PEG3: variants seen among roughly 807,000 people sequenced by gnomAD.
The protein encoded by PEG3 is paternally expressed 3, also known as paternally-expressed gene 3 protein.
In PEG3, 23 loss-of-function variants were observed where a neutral mutation model predicts 35.5. The observed-to-expected ratio is 0.65, with a 90% CI of 0.47 to 0.92. The LOEUF is 0.92. PEG3 is among the 40% of genes least tolerant of loss of function. PEG3 has a pLI of 0.00. For missense variants in PEG3, 1,960 were observed against 1,985.3 expected (o/e 0.99, Z 0.24); for synonymous variants, 707 against 697.0 (o/e 1.01, Z -0.23).
At position 56,817,198 on chromosome 19, in the gene PEG3, G is replaced by A. The variant is rs749232791; in HGVS notation, c.1244C>T (p.Pro415Leu). The change falls in exon 10 of 10, where the codon CCC becomes CTC. Residue 415 changes from proline to leucine, a missense_variant. Physicochemically the swap from Pro to Leu is moderately conservative, Grantham distance 98 (BLOSUM62 -3). Coordinates refer to ENST00000326441, the MANE Select transcript of PEG3 (RefSeq NM_006210.3). ...HDQKGCPRKK[P>L]FECGSEMRKA... ...TCTCATCTCACTACCACATTCAAAGGGCTTCTTCCTGGGACAGCCTTTTTG... is the reference window on the plus strand; with the variant it reads ...TCTCATCTCACTACCACATTCAAAGAGCTTCTTCCTGGGACAGCCTTTTTG... The A allele has an allele frequency of 1.2e-6, 2 of 1,614,014 alleles. No homozygotes were observed. The highest frequency in any genetic ancestry group is 1.7e-6 in the Non-Finnish European group (2 of 1,180,028).
Position 56,813,102 on chromosome 19 carries a change from C to T in PEG3, c.*573G>A. The T allele has an allele frequency of 1.0e-6, 1 of 983,998 alleles. No individual in the cohort carries two copies. Among genetic ancestry groups the T allele is most frequent in the Non-Finnish European group, 1.2e-6 (1 of 829,244 alleles). The allele number at this position is 983,998 out of a possible 1,614,324, so 61.0% of individuals were successfully genotyped here. ...AAGGGTAAGAAACAAAACAATTACTCAAAAAGATATTGACAGGGTTCAAAT... is the reference window on the plus strand; with the variant it reads ...AAGGGTAAGAAACAAAACAATTACTTAAAAAGATATTGACAGGGTTCAAAT... On this transcript the variant is annotated 3_prime_UTR_variant, in exon 10 of 10. Transcript: ENST00000326441.
At chr19:56,817,608 C>A (rs770957026) in intron 9 of PEG3, 29 bp from the exon 10 acceptor site, 39 of 1,559,870 alleles carry the variant, frequency 2.5e-5, no homozygotes, top group Non-Finnish European at 1.6e-5. Context: ...TGTAAATACT[C>A]CCTAGTCCCC....
chr19:56,817,121 C>T lies in PEG3; in HGVS notation c.1321G>A (p.Glu441Lys), dbSNP rs199823672. 1.1e-5 allele frequency: 17 copies of T among 1,614,004 alleles called. No individual in the cohort carries two copies. Among genetic ancestry groups the T allele is most frequent in the South Asian group, 5.5e-5 (5 of 91,074 alleles). The part of the protein sequence containing the change: ...LSSLSSPSFT[E>K]SQPIDFGAMP... The stretch of plus-strand genomic sequence containing the variant: ...GCCCCAAAATCAATTGGCTGTGACT[C>T]GGTAAAGGAGGGGGAGCTGAGGCTG... The change falls in exon 10 of 10, where the codon GAG (glutamate) becomes AAG (lysine). Residue 441 changes from glutamate (E) to lysine (K), a missense_variant. Physicochemically the swap from Glu to Lys is moderately conservative, Grantham distance 56 (BLOSUM62 1). This residue lies in a region of PEG3 where 613 missense variants were observed against 577.1 expected (regional missense o/e 1.06). Transcript: ENST00000326441.
rs758253897 is a variant in PEG3, at chr19:56,824,300, G to C, written c.356C>G (p.Thr119Ser). Residue 119 changes from threonine to serine, a missense_variant, in exon 4 of 10, where the codon ACT becomes AGT. Physicochemically the swap from Thr to Ser is moderately conservative, Grantham distance 58 (BLOSUM62 1). Coordinates refer to ENST00000326441, the MANE Select transcript of PEG3 (RefSeq NM_006210.3). ...CATCTCCTTGTAATTCTCCAGCAGA[G>C]TGACGAGCTTCTCACAGTTCTCCGG... is the stretch of plus-strand genomic sequence containing the variant. The part of the protein sequence containing the change: ...KKPENCEKLV[T>S]LLENYKEMYQ... 1.5e-5 allele frequency: 25 copies of C among 1,613,950 alleles called. No homozygotes were observed. The African/African-American group carries it at 1.6e-4, about 10-fold the overall frequency.
At position 56,810,926 on chromosome 19, in the gene PEG3, T is replaced by C. The variant is rs2059495790; in HGVS notation, c.*2749A>G. On this transcript the variant is annotated 3_prime_UTR_variant, in exon 10 of 10. Coordinates refer to ENST00000326441, the MANE Select transcript of PEG3 (RefSeq NM_006210.3). ...ATACACTGTTATCAGGACATTATTA[T>C]AGGGAACATTTGAAAAAATTAAAGT... The C allele has an allele frequency of 3.1e-6, 3 of 965,610 alleles. No homozygotes were observed. The highest frequency in any genetic ancestry group is 1.1e-4 in the East Asian group (1 of 8,734). The allele number at this position is 965,610 out of a possible 1,614,324, so 59.8% of individuals were successfully genotyped here.
At chr19:56,823,184 G>A (rs189940946) in intron 5 of PEG3, among the ~76,000 whole-genome samples, 2 of 152,016 alleles carry the variant, frequency 1.3e-5, no homozygotes, top group Non-Finnish European at 1.5e-5. Flanking sequence ...TCTGGCAGCC[G>A]ATCTTAAAGT....
chr19:56,813,436 G>T lies in PEG3; in HGVS notation c.*239C>A, dbSNP rs1388358213. ...TTTCTCAATCTGATTACTTGGAAAG[G>T]TAAGATGTGTGCTATGGCTTTCCCA... On this transcript the variant is annotated 3_prime_UTR_variant, in exon 10 of 10. Coordinates refer to ENST00000326441, the MANE Select transcript of PEG3 (RefSeq NM_006210.3). The T allele has an allele frequency of 7.5e-7, 1 of 1,334,492 alleles. No homozygotes were observed. The highest frequency in any genetic ancestry group is 1.5e-5 in the African/African-American group (1 of 68,490). The allele number at this position is 1,334,492 out of a possible 1,614,324, so 82.7% of individuals were successfully genotyped here.
chr19:56,833,567 T>C (rs575167217), intron 2 of PEG3: 264 of 209,172 alleles, frequency 1.3e-3, no homozygotes, highest in Middle Eastern at 5.9e-3. Flanking sequence ...TACAGCCTGA[T>C]TCCTTCTAGG....
chr19:56,831,809 G>C (rs1040313791), intron 2 of PEG3, among the ~76,000 whole-genome samples: 4 of 152,158 alleles, frequency 2.6e-5, no homozygotes, highest in African/African-American at 9.7e-5. Context: ...TAACTTTGTT[G>C]CTATTAATAA....
Position 56,816,923 on chromosome 19 carries a change from A to G in PEG3, c.1519T>C (p.Cys507Arg). The G allele has an allele frequency of 6.2e-7, 1 of 1,614,188 alleles. No individual in the cohort carries two copies. Residue 507 changes from cysteine to arginine, a missense_variant, in exon 10 of 10, where the codon TGT (cysteine) becomes CGT (arginine). By Grantham distance (180) the Cys-to-Arg change is radical. This residue lies in a region of PEG3 where 798 missense variants were observed against 782.4 expected (regional missense o/e 1.02). Transcript: ENST00000326441. ...TTGAAGGTCTCTCCACAGTCCTTAC[A>G]TTCAAAACGTTTCCCTCCAACCTGA... Reference protein sequence around the residue: ...KSQVGGKRFECKDCGETFNKS... With the variant: ...KSQVGGKRFERKDCGETFNKS...
In PEG3 at chr19:56,815,247, G is replaced by T; in HGVS notation, c.3195C>A (p.Gly1065=). The part of the protein sequence containing the change: ...QEKSHGEESQ[G]ENTDGEETHS... Reference sequence around the variant, plus strand: ...GGGTCTCCTCCCCATCAGTATTCTCGCCTTGAGACTCCTCGCCATGAGACT... The same window carrying T: ...GGGTCTCCTCCCCATCAGTATTCTCTCCTTGAGACTCCTCGCCATGAGACT... Residue 1065 remains glycine, a synonymous_variant, in exon 10 of 10, where the codon GGC becomes GGA. Transcript: ENST00000326441. The T allele has an allele frequency of 6.2e-7, 1 of 1,614,128 alleles. No individual in the cohort carries two copies.
At chr19:56,818,375 C>G (rs2060177062) in intron 8 of PEG3, among the ~76,000 whole-genome samples, 1 of 152,212 alleles carries the variant, frequency 6.6e-6, no homozygotes, top group African/African-American at 2.4e-5. Flanking sequence ...CATCTCCCTG[C>G]TTGTCCCCAC....
chr19:56,833,475 G>A (rs975605832), intron 2 of PEG3: 24 of 287,608 alleles, frequency 8.3e-5, no homozygotes, highest in Non-Finnish European at 1.6e-4. Context: ...TGCTGTCCCA[G>A]CCCAGGCCTA....
At chr19:56,823,507 T>TG in intron 5 of PEG3, 86 bp downstream of exon 5, 2 of 1,539,812 alleles carry the variant, frequency 1.3e-6, no homozygotes, top group South Asian at 1.1e-5. Context: ...GTCATCTTCA[T>TG]GGAGGCCCCA....
rs1262947619 is a variant in PEG3, at chr19:56,815,785, C to T, written c.2657G>A (p.Ser886Asn). ...PARENPCEGG[S>N]KNRNYEDSVI... is the part of the protein sequence containing the mutation. ...AGAGTCTTCATAGTTGCGATTCTTACTGCCCCCTTCACAAGGGTTCTCTCT... is the reference window on the plus strand; with the variant it reads ...AGAGTCTTCATAGTTGCGATTCTTATTGCCCCCTTCACAAGGGTTCTCTCT... Residue 886 changes from serine to asparagine, a missense_variant, in exon 10 of 10, where the codon AGT becomes AAT. Coordinates refer to ENST00000326441, the MANE Select transcript of PEG3 (RefSeq NM_006210.3). 2 of 1,613,566 alleles carry T rather than the reference C, an allele frequency of 1.2e-6. No individual in the cohort carries two copies. Among genetic ancestry groups the T allele is most frequent in the African/African-American group, 2.7e-5 (2 of 74,916 alleles).
chr19:56,816,536 A>G lies in PEG3; in HGVS notation c.1906T>C (p.Phe636Leu), dbSNP rs570856194. Residue 636 changes from phenylalanine to leucine, a missense_variant, in exon 10 of 10, where the codon TTC becomes CTC. Around this residue, in one of 5 missense-constraint regions of PEG3, gnomAD observed 798 missense variants for 782.4 expected, o/e 1.02. Transcript: ENST00000326441. ...TCTTTCAGGGATGAGCTATGAAGGA[A>G]AGTCTCCCCACACACCTTACATTCG... is the stretch of plus-strand genomic sequence containing the variant. The part of the protein sequence containing the change: ...MYECKVCGET[F>L]LHSSSLKEHQ... 2.5e-6 allele frequency: 4 copies of G among 1,613,812 alleles called. No individual in the cohort carries two copies. In the East Asian group the frequency reaches 8.9e-5, roughly 36 times the overall value.
At chr19:56,820,009 T>C (rs774320091) in intron 7 of PEG3, among the ~76,000 whole-genome samples, 1 of 152,198 alleles carries the variant, frequency 6.6e-6, no homozygotes, top group Non-Finnish European at 1.5e-5. Flanking sequence ...CAGCAGAGCT[T>C]CACAGATAAA....
At chr19:56,827,208 A>T (rs2061125487) in intron 2 of PEG3, among the ~76,000 whole-genome samples, 2 of 152,204 alleles carry the variant, frequency 1.3e-5, no homozygotes, top group Admixed American at 1.3e-4. Context: ...GACCACTTGA[A>T]TGCCCATATG....
At chr19:56,819,897 A>T (rs1157846229) in intron 7 of PEG3, among the ~76,000 whole-genome samples, 1 of 152,220 alleles carries the variant, frequency 6.6e-6, no homozygotes, top group Admixed American at 6.5e-5. Flanking sequence ...ACAAAGAGGT[A>T]CGGGTATCTG....
Sources: allele counts gnomAD v4.1 joint callset (sites outside exome capture counted in the v4.1 genomes callset), GRCh38; gene constraint gnomAD v4.1.1; regional missense constraint gnomAD v4.1.1; transcripts MANE v1.5; gene names NCBI Gene and HGNC (gene_info 2026-07-23, HGNC 2026-07-21).